The following WWOX variants were observed in gnomAD, a reference collection of about 807,000 sequenced individuals.
The protein encoded by WWOX is WW domain containing oxidoreductase.
In WWOX, 69 loss-of-function variants were observed where a neutral mutation model predicts 46.2. That is an observed-to-expected ratio of 1.49 (90% CI 1.23 to 1.82). The LOEUF (loss-of-function observed/expected upper bound fraction) is 1.82. Among genes scored for constraint, WWOX ranks in the 40% most tolerant of loss-of-function variants. WWOX has a pLI of 0.00. For synonymous variants in WWOX, 359 were observed against 202.6 expected (o/e 1.77, Z -6.56); for missense variants, 919 against 542.6 (o/e 1.69, Z -6.89).
chr16:79,064,851 A>C (rs780007800), intron 8 of WWOX, among the ~76,000 whole-genome samples: 1 of 152,196 alleles, frequency 6.6e-6, no homozygotes, highest in Non-Finnish European at 1.5e-5. Flanking sequence ...TGGCATTCTA[A>C]TGTTGTGTTG....
intron 8 of WWOX, among the ~76,000 whole-genome samples, chr16:78,900,382 C>A (rs1286159500): frequency 6.6e-6 from 1 of 152,100 alleles, no homozygotes; most frequent in Non-Finnish European, 1.5e-5. Context: ...AAAAACTGTG[C>A]ATGTAATTTG....
At chr16:79,199,800 G>A (rs1041338570) in intron 8 of WWOX, among the ~76,000 whole-genome samples, 1 of 152,232 alleles carries the variant, frequency 6.6e-6, no homozygotes, top group East Asian at 1.9e-4. Flanking sequence ...TGTGTTCCTC[G>A]CTGACACCTC....
intron 8 of WWOX, among the ~76,000 whole-genome samples, chr16:78,476,586 C>T (rs980406635): frequency 6.7e-6 from 1 of 149,406 alleles, no homozygotes; most frequent in East Asian, 2.0e-4. Flanking sequence ...GCACATGTAC[C>T]CTAGAACTGA....
chr16:78,790,401 C>T (rs1047312853), intron 8 of WWOX, among the ~76,000 whole-genome samples: 4 of 152,134 alleles, frequency 2.6e-5, no homozygotes, highest in African/African-American at 9.7e-5. Flanking sequence ...TCCCAAAGTG[C>T]TGGGATTACA....
intron 4 of WWOX, among the ~76,000 whole-genome samples, chr16:78,141,374 C>T (rs1006848232): frequency 6.6e-6 from 1 of 150,778 alleles, no homozygotes; most frequent in African/African-American, 2.4e-5. Context: ...TTTCACAGGT[C>T]TCTGCTTAAA....
intron 8 of WWOX, among the ~76,000 whole-genome samples, chr16:78,779,853 G>C (rs1018768695): frequency 3.3e-5 from 5 of 152,154 alleles, no homozygotes; most frequent in African/African-American, 1.2e-4. Context: ...AAGGGCCTTT[G>C]GGACTGGGTG....
chr16:78,331,247 C>T (rs902167000), intron 5 of WWOX, among the ~76,000 whole-genome samples: 2 of 152,098 alleles, frequency 1.3e-5, no homozygotes, highest in African/African-American at 4.8e-5. Flanking sequence ...GCGTTTCTTG[C>T]ATTTGTTACT....
At chr16:78,484,499 G>C (rs968232258) in intron 8 of WWOX, among the ~76,000 whole-genome samples, 3 of 152,166 alleles carry the variant, frequency 2.0e-5, no homozygotes, top group African/African-American at 4.8e-5. Context: ...ATTACAGTAA[G>C]ACTTATTAGC....
At chr16:79,153,182 C>G (rs2050314669) in intron 8 of WWOX, among the ~76,000 whole-genome samples, 1 of 152,106 alleles carries the variant, frequency 6.6e-6, no homozygotes, top group African/African-American at 2.4e-5. Context: ...TTATCATCTC[C>G]ATGTGAGGAG....
chr16:79,015,028 G>A lies in WWOX; in HGVS notation c.1057-196580G>A, dbSNP rs541962124. ...GGAAAGGCAGAAATCCAAGGACTAC[G>A]TGTGACATGAAAGGGGCCTTTCTCC... is the stretch of plus-strand genomic sequence containing the variant. On this transcript the variant is annotated intron_variant, in intron 8 of 8. Coordinates refer to ENST00000566780, the MANE Select transcript of WWOX (RefSeq NM_016373.4). Among the ~76,000 whole-genome samples the A allele has an allele frequency of 5.3e-5, 8 of 152,280 alleles. No homozygotes were observed. The East Asian group carries it at 9.7e-4, about 18-fold the overall frequency.
intron 8 of WWOX, among the ~76,000 whole-genome samples, chr16:78,602,663 C>G (rs189051072): frequency 1.3e-5 from 2 of 152,282 alleles, no homozygotes; most frequent in East Asian, 1.9e-4. Flanking sequence ...AGTGGTTACT[C>G]TGTTCTGATC....
At chr16:79,005,653 C>G (rs1408815096) in intron 8 of WWOX, among the ~76,000 whole-genome samples, 1 of 152,126 alleles carries the variant, frequency 6.6e-6, no homozygotes, top group African/African-American at 2.4e-5. Context: ...CCATGTCTCT[C>G]TATGTCTTCA....
chr16:78,796,681 C>T (rs1027612263), intron 8 of WWOX, among the ~76,000 whole-genome samples: 3 of 152,208 alleles, frequency 2.0e-5, no homozygotes, highest in African/African-American at 7.2e-5. Flanking sequence ...TGTTTATCAG[C>T]ATCATTGCAA....
At chr16:79,190,861 G>T (rs1225799026) in intron 8 of WWOX, among the ~76,000 whole-genome samples, 2 of 152,302 alleles carry the variant, frequency 1.3e-5, no homozygotes, top group East Asian at 3.9e-4. Flanking sequence ...TTTACTATCT[G>T]CCCTTTTGCA....
intron 8 of WWOX, among the ~76,000 whole-genome samples, chr16:79,058,711 T>G (rs980917933): frequency 1.3e-5 from 2 of 152,246 alleles, no homozygotes; most frequent in African/African-American, 4.8e-5. Context: ...GTCTTTGGGT[T>G]TACTCACCGT....
chr16:78,579,738 C>A (rs533361671), intron 8 of WWOX, among the ~76,000 whole-genome samples: 2 of 152,108 alleles, frequency 1.3e-5, no homozygotes, highest in Non-Finnish European at 2.9e-5. Flanking sequence ...TTAGAGAAAA[C>A]AAATATCATC....
At chr16:78,172,007 A>T (rs1178513827) in intron 5 of WWOX, among the ~76,000 whole-genome samples, 1 of 152,184 alleles carries the variant, frequency 6.6e-6, no homozygotes. Context: ...TGTGCAGATG[A>T]GGCAGTTTAG....
At position 78,672,912 on chromosome 16, in the gene WWOX, C is replaced by T. The variant is rs1055147511; in HGVS notation, c.1056+240160C>T. ...CAATACATCCTGATAAATGCTGTGC[C>T]TTCCTCCTTCGTCTCTCTGGCGGTG... On this transcript the variant is annotated intron_variant, in intron 8 of 8. Coordinates refer to ENST00000566780, the MANE Select transcript of WWOX (RefSeq NM_016373.4). Among the ~76,000 whole-genome samples, 12 of 152,314 alleles carry T rather than the reference C, an allele frequency of 7.9e-5. No individual in the cohort carries two copies. The South Asian group carries it at 1.7e-3, about 21-fold the overall frequency.
At chr16:78,281,800 C>T (rs2151854828) in intron 5 of WWOX, among the ~76,000 whole-genome samples, 1 of 152,254 alleles carries the variant, frequency 6.6e-6, no homozygotes, top group East Asian at 1.9e-4. Flanking sequence ...CCGTGTTTGG[C>T]CCAGCGGTTA....
Sources: gnomAD v4.1 joint callset for allele counts (sites outside exome capture counted in the v4.1 genomes callset) on GRCh38, gnomAD v4.1.1 for gene constraint, MANE v1.5 for transcripts, NCBI Gene and HGNC (gene_info 2026-07-23, HGNC 2026-07-21) for gene names.